Variants in TAOK1 observed in about 807,000 individuals in gnomAD.
The protein encoded by TAOK1 is serine/threonine-protein kinase TAO1.
In TAOK1, 21 loss-of-function variants were observed where a neutral mutation model predicts 138.3. The observed-to-expected ratio is 0.15, with a 90% CI of 0.11 to 0.22. TAOK1 has a LOEUF of 0.22. Among genes scored for constraint, TAOK1 ranks in the 10% least tolerant of loss-of-function variants. The pLI, the probability that TAOK1 is intolerant of heterozygous loss-of-function variation, is 1.00. For synonymous variants in TAOK1, 361 were observed against 398.4 expected (o/e 0.91, Z 1.12); for missense variants, 651 against 1,227.7 (o/e 0.53, Z 7.02).
intron 8 of TAOK1, among the ~76,000 whole-genome samples, chr17:29,486,007 AT>A (rs2031164502): frequency 6.6e-6 from 1 of 152,182 alleles, no homozygotes; most frequent in South Asian, 2.1e-4. Context: ...TTGGTTTAAA[AT>A]TAAGTGGTGG....
chr17:29,401,522 A>G (rs1904841142), intron 1 of TAOK1, among the ~76,000 whole-genome samples: 1 of 152,162 alleles, frequency 6.6e-6, no homozygotes, highest in Non-Finnish European at 1.5e-5. Flanking sequence ...ACTCACTATC[A>G]ACTAGAACAG....
intron 3 of TAOK1, 144 bp from the exon 4 acceptor site, chr17:29,475,526 C>A: frequency 6.8e-6 from 4 of 592,102 alleles, no homozygotes; most frequent in Non-Finnish European, 1.2e-5. Flanking sequence ...GGTGAAAGAG[C>A]AAGACCCTCC....
At chr17:29,515,882 G>A (rs2031804796) in intron 15 of TAOK1, among the ~76,000 whole-genome samples, 1 of 152,042 alleles carries the variant, frequency 6.6e-6, no homozygotes, top group South Asian at 2.1e-4. Flanking sequence ...AGAGGGCATT[G>A]CCCTGCCTGA....
At chr17:29,405,153 T>TAG (rs905535597) in intron 1 of TAOK1, among the ~76,000 whole-genome samples, 2 of 151,922 alleles carry the variant, frequency 1.3e-5, no homozygotes, top group African/African-American at 2.4e-5. Flanking sequence ...CTTATTTTTG[T>TAG]ATATATATAT....
intron 17 of TAOK1, among the ~76,000 whole-genome samples, chr17:29,525,940 T>C (rs1227853557): frequency 1.3e-5 from 2 of 152,008 alleles, no homozygotes; most frequent in African/African-American, 4.8e-5. Flanking sequence ...GAGGTTGCAG[T>C]GAGCCAAGGT....
intron 19 of TAOK1, among the ~76,000 whole-genome samples, chr17:29,540,897 G>C (rs1180573553): frequency 6.6e-6 from 1 of 151,106 alleles, no homozygotes; most frequent in Admixed American, 6.6e-5. Context: ...TAGAGACGAG[G>C]TTTCACCATC....
At chr17:29,473,158 G>T (rs2030866483) in intron 3 of TAOK1, among the ~76,000 whole-genome samples, 1 of 152,198 alleles carries the variant, frequency 6.6e-6, no homozygotes, top group Non-Finnish European at 1.5e-5. Flanking sequence ...AGCACAGGCA[G>T]AGTAGGAGTT....
At chr17:29,486,635 A>G (rs903479854) in intron 8 of TAOK1, among the ~76,000 whole-genome samples, 7 of 142,778 alleles carry the variant, frequency 4.9e-5, no homozygotes, top group South Asian at 2.1e-4. Flanking sequence ...CTGACTCAAG[A>G]AAAAAAAAAA....
chr17:29,399,825 G>A (rs770493655), intron 1 of TAOK1, among the ~76,000 whole-genome samples: 3 of 151,882 alleles, frequency 2.0e-5, no homozygotes, highest in Non-Finnish European at 2.9e-5. Context: ...CAATCTTCTG[G>A]ACTTAGCGAT....
chr17:29,523,043 C>CCA (rs2031945657), intron 17 of TAOK1, among the ~76,000 whole-genome samples: 1 of 149,308 alleles, frequency 6.7e-6, no homozygotes, highest in Non-Finnish European at 1.5e-5. Context: ...CCACAGCACT[C>CCA]CAGCCCGGGT....
chr17:29,472,573 CTT>C (rs34588170), intron 3 of TAOK1, among the ~76,000 whole-genome samples: 77 of 111,698 alleles, frequency 6.9e-4, no homozygotes, highest in East Asian at 1.1e-3. Flanking sequence ...TTCTTTCTTT[CTT>C]TTTTTTTTTT....
chr17:29,467,522 T>C (rs1005249184), intron 3 of TAOK1, among the ~76,000 whole-genome samples: 28 of 152,210 alleles, frequency 1.8e-4, no homozygotes, highest in African/African-American at 6.3e-4. Context: ...TCTGCCCGCC[T>C]TGGCCTCCCA....
In TAOK1 at chr17:29,550,479, A is replaced by T. The variant is rs1171924027; in HGVS notation, c.*7457A>T. 6.6e-6 allele frequency: 1 copy of T among 152,092 alleles called. No homozygotes were observed. Among genetic ancestry groups the T allele is most frequent in the Non-Finnish European group, 1.5e-5 (1 of 68,018 alleles). The allele number at this position is 152,092 out of a possible 1,614,324, so 9.4% of individuals were successfully genotyped here. ...TACTATGAGCAATTTCGCTTTCAGA[A>T]CCCCCTTGTTTTAGTATATGAAAAA... On this transcript the variant is annotated 3_prime_UTR_variant, in exon 20 of 20. Coordinates refer to ENST00000261716, the MANE Select transcript of TAOK1 (RefSeq NM_020791.4).
At chr17:29,420,334 T>C (rs1242812588) in intron 1 of TAOK1, among the ~76,000 whole-genome samples, 1 of 152,168 alleles carries the variant, frequency 6.6e-6, no homozygotes, top group Non-Finnish European at 1.5e-5. Context: ...GTGCCGACCA[T>C]AATTGATTTT....
At chr17:29,480,535 C>T in intron 7 of TAOK1, 54 bp downstream of exon 7, 1 of 1,438,716 alleles carries the variant, frequency 7.0e-7, no homozygotes, top group East Asian at 2.4e-5. Context: ...CTATGTTTAA[C>T]ATGAAATACA....
In TAOK1 at chr17:29,498,107, T is replaced by C. The variant is rs544126792; in HGVS notation, c.1000-211T>C. ...TTTGTTTTAGACAGTTGGTTGAATT[T>C]TTTTGTGATTTACTTGTTGGTCATT... On this transcript the variant is annotated intron_variant, in intron 11 of 19. Transcript: ENST00000261716. 3.3e-5 allele frequency among the ~76,000 whole-genome samples: 5 copies of C among 152,346 alleles called. No individual in the cohort carries two copies. The South Asian group carries it at 1.0e-3, about 32-fold the overall frequency.
chr17:29,393,236 G>A (rs1244345503), intron 1 of TAOK1, among the ~76,000 whole-genome samples: 2 of 151,850 alleles, frequency 1.3e-5, no homozygotes, highest in Non-Finnish European at 2.9e-5. Context: ...ATACTGCTCA[G>A]TAAGGAGTGA....
At chr17:29,468,134 A>ACTTTTTT (rs2030720265) in intron 3 of TAOK1, among the ~76,000 whole-genome samples, 1 of 48,806 alleles carries the variant, frequency 2.0e-5, no homozygotes, top group Non-Finnish European at 3.4e-5. Flanking sequence ...GCCTGCTTTC[A>ACTTTTTT]ATTTTTTTTT....
intron 9 of TAOK1, among the ~76,000 whole-genome samples, chr17:29,490,442 A>G (rs1309190265): frequency 6.6e-6 from 1 of 152,324 alleles, no homozygotes; most frequent in East Asian, 1.9e-4. Flanking sequence ...GATATTTAGC[A>G]TATTTAATAA....
Sources: gnomAD v4.1 joint callset for allele counts (sites outside exome capture counted in the v4.1 genomes callset) on GRCh38, gnomAD v4.1.1 for gene constraint, MANE v1.5 for transcripts, NCBI Gene and HGNC (gene_info 2026-07-23, HGNC 2026-07-21) for gene names.